Variants in CSPG5 observed in about 807,000 individuals in gnomAD.
The protein encoded by CSPG5 is acidic leucine-rich EGF-like domain-containing brain protein.
In CSPG5, 25 loss-of-function variants were observed where a neutral mutation model predicts 39.8. The observed-to-expected ratio is 0.63, with a 90% confidence interval of 0.46 to 0.88. The LOEUF (loss-of-function observed/expected upper bound fraction) is 0.88, where lower values mean the gene tolerates loss of function less well. Ranked by LOEUF, CSPG5 falls within the 40% of genes least tolerant of loss-of-function variation. The probability of loss-of-function intolerance (pLI) is 0.00; values close to 1 mark genes in which losing one functional copy is unlikely to be tolerated. For synonymous variants in CSPG5, 295 were observed against 303.9 expected, an observed-to-expected ratio of 0.97 and a Z score of 0.31; for missense variants, 627 against 702.2, an observed-to-expected ratio of 0.89 and a Z score of 1.21.
Position 47,577,353 on chromosome 3 carries a change from G to T in CSPG5, c.673C>A (p.Leu225Met). The T allele has an allele frequency of 1.2e-6, 2 of 1,614,120 alleles. No homozygotes were observed. The highest frequency in any genetic ancestry group is 1.7e-6 in the Non-Finnish European group (2 of 1,179,982). ...GLDGEGRGAD[L>M]GSFPGSPGTS... ...CCTGGTGACCCTGGGAAGCTCCCCA[G>T]ATCTGCGCCACGACCCTCACCATCC... Residue 225 changes from leucine (L) to methionine (M), a missense_variant, in exon 2 of 5, where the codon CTG (leucine) becomes ATG (methionine). Physicochemically the swap from Leu to Met is conservative, Grantham distance 15. Transcript: ENST00000264723. This position sits in a 1 kb window ranked among gnomAD's most constrained non-coding sequence, Gnocchi z 4.7.
chr3:47,566,933 C>G (rs1195324651), intron 4 of CSPG5, among the ~76,000 whole-genome samples: 2 of 152,198 alleles, frequency 1.3e-5, no homozygotes, highest in Non-Finnish European at 2.9e-5. Context: ...CTGACCACCC[C>G]CTGCTCTGCT....
At chr3:47,563,201 A>G (rs2031156206) in intron 4 of CSPG5, among the ~76,000 whole-genome samples, 1 of 152,170 alleles carries the variant, frequency 6.6e-6, no homozygotes, top group African/African-American at 2.4e-5. Context: ...CAGTGTATAC[A>G]GTGGGGTATG....
In CSPG5 at chr3:47,569,122, G is replaced by C. The variant is rs1055961393; in HGVS notation, c.1458+30C>G. ...CCAAGGCACGGGCATGGGGGGAGGA[G>C]GTACGGGGAGTGTTGCAAAGTTTCC... On this transcript the variant is annotated intron_variant, in intron 4 of 4. Coordinates refer to ENST00000264723, the MANE Select transcript of CSPG5 (RefSeq NM_006574.4). 4.4e-6 allele frequency: 7 copies of C among 1,597,456 alleles called. No homozygotes were observed. The East Asian group carries it at 1.4e-4, about 31-fold the overall frequency.
In CSPG5 at chr3:47,577,555, G is replaced by A. The variant is rs145083750; in HGVS notation, c.471C>T (p.Pro157=). Residue 157 remains proline, a synonymous_variant, in exon 2 of 5, where the codon CCC becomes CCT. Transcript: ENST00000264723. This position sits in a 1 kb window ranked among gnomAD's most constrained non-coding sequence, Gnocchi z 4.7. ...CAGAAGCTGGGCTCAGCTTGTCGCC[G>A]GGGGTGGGGGAGGGTGGCCCGCTGG... The part of the protein sequence containing the change: ...TEASGPPSPT[P]GDKLSPASEL... 31 of 1,610,018 alleles carry A rather than the reference G, an allele frequency of 1.9e-5. No homozygotes were observed. The highest frequency in any genetic ancestry group is 2.5e-5 in the Non-Finnish European group (30 of 1,178,814).
At chr3:47,568,170 A>G (rs2031384937) in intron 4 of CSPG5, among the ~76,000 whole-genome samples, 1 of 152,242 alleles carries the variant, frequency 6.6e-6, no homozygotes, top group African/African-American at 2.4e-5. Flanking sequence ...TTCAGTCTGA[A>G]GTCTCAGTTT....
chr3:47,569,185 G>C lies in CSPG5; in HGVS notation c.1425C>G (p.Ser475=), dbSNP rs998887243. The C allele has an allele frequency of 6.2e-7, 1 of 1,613,212 alleles. No individual in the cohort carries two copies. The highest frequency in any genetic ancestry group is 8.5e-7 in the Non-Finnish European group (1 of 1,179,556). Residue 475 remains serine, a synonymous_variant, in exon 4 of 5, where the codon TCC becomes TCG. Transcript: ENST00000264723. ...TPSELHNDNF[S]LSTIAEGSHP... is the part of the protein sequence containing the mutation. The stretch of plus-strand genomic sequence containing the variant: ...GAGAGCCCTCGGCAATGGTGGAGAG[G>C]GAGAAGTTATCATTGTGGAGCTCAG...
In CSPG5 at chr3:47,562,462, A is replaced by G; in HGVS notation, c.*138T>C. 1.1e-6 allele frequency: 1 copy of G among 897,032 alleles called. No individual in the cohort carries two copies. Among genetic ancestry groups the G allele is most frequent in the Non-Finnish European group, 1.7e-6 (1 of 594,346 alleles). The allele number at this position is 897,032 out of a possible 1,614,324, so 55.6% of individuals were successfully genotyped here. On this transcript the variant is annotated 3_prime_UTR_variant, in exon 5 of 5. Coordinates refer to ENST00000264723, the MANE Select transcript of CSPG5 (RefSeq NM_006574.4). The stretch of plus-strand genomic sequence containing the variant: ...TTTTTTTGCCTCCTGTACAAAATAC[A>G]TAAAAGCATGCCATGAGATCAGAAA...
Position 47,568,249 on chromosome 3 carries a change from T to C in CSPG5, c.1458+903A>G, listed in dbSNP as rs372896357. Among the ~76,000 whole-genome samples, 50 of 152,378 alleles carry C rather than the reference T, an allele frequency of 3.3e-4. 1 individual carries two copies. In the East Asian group the frequency reaches 5.8e-3, roughly 18 times the overall value. On this transcript the variant is annotated intron_variant, in intron 4 of 4. Transcript: ENST00000264723. Reference sequence around the variant, plus strand: ...CTTGAAGTATGGAACCTGCATTATATAGAGAATTCTAGGATTTGGATGTGG... The same window carrying C: ...CTTGAAGTATGGAACCTGCATTATACAGAGAATTCTAGGATTTGGATGTGG...
In CSPG5 at chr3:47,572,845, T is replaced by C; in HGVS notation, c.1223A>G (p.Lys408Arg). Residue 408 changes from lysine to arginine, a missense_variant, in exon 3 of 5, where the codon AAG becomes AGG. Transcript: ENST00000264723. This position sits in a 1 kb window ranked among gnomAD's most constrained non-coding sequence, Gnocchi z 4.5. ...GATGATGGACTCGCAGCGCATCCCC[T>C]TGTGCCAGATGTAGTCCTGCGTGTT... The part of the protein sequence containing the change: ...RCNTQDYIWH[K>R]GMRCESIITD... The C allele has an allele frequency of 6.2e-7, 1 of 1,613,578 alleles. No individual in the cohort carries two copies. The highest frequency in any genetic ancestry group is 8.5e-7 in the Non-Finnish European group (1 of 1,179,624).
intron 4 of CSPG5, among the ~76,000 whole-genome samples, chr3:47,568,077 T>A (rs1484961305): frequency 6.6e-6 from 1 of 152,132 alleles, no homozygotes; most frequent in Non-Finnish European, 1.5e-5. Flanking sequence ...TGGTCTAGAG[T>A]GCTGAGGCCC....
chr3:47,570,331 TG>T (rs1357002314), intron 3 of CSPG5, among the ~76,000 whole-genome samples: 3 of 151,906 alleles, frequency 2.0e-5, no homozygotes, highest in Non-Finnish European at 4.4e-5. Flanking sequence ...CTCGAACCCT[TG>T]GGCTCAGGTG....
At chr3:47,574,862 C>T (rs2031649915) in intron 2 of CSPG5, among the ~76,000 whole-genome samples, 1 of 151,940 alleles carries the variant, frequency 6.6e-6, no homozygotes, top group African/African-American at 2.4e-5. Context: ...TGGCATGAAC[C>T]TGGGAGGCGG....
intron 2 of CSPG5, among the ~76,000 whole-genome samples, chr3:47,575,977 G>T (rs2031708644): frequency 1.6e-5 from 2 of 124,284 alleles, no homozygotes; most frequent in South Asian, 4.9e-4. Context: ...CGCTCTTGCT[G>T]CCCAGGCTAG....
intron 2 of CSPG5, among the ~76,000 whole-genome samples, chr3:47,574,095 G>A (rs568228576): frequency 2.6e-5 from 4 of 152,298 alleles, no homozygotes; most frequent in South Asian, 4.1e-4. Context: ...AGGGAGGCCC[G>A]AATGTGATCC....
intron 4 of CSPG5, among the ~76,000 whole-genome samples, chr3:47,566,530 G>A (rs940245495): frequency 6.6e-6 from 1 of 152,146 alleles, no homozygotes; most frequent in African/African-American, 2.4e-5. Context: ...TAGAGATGAA[G>A]GTAGAAAATC....
At chr3:47,576,057 C>T (rs2031715175) in intron 2 of CSPG5, among the ~76,000 whole-genome samples, 1 of 151,614 alleles carries the variant, frequency 6.6e-6, no homozygotes, top group South Asian at 2.1e-4. Flanking sequence ...GCCTCAGCCT[C>T]CCGAGTAGCT....
At chr3:47,579,682 G>A (rs2031920686), upstream of CSPG5, 2 of 152,236 alleles carry the variant, frequency 1.3e-5, no homozygotes, top group South Asian at 2.1e-4. This position sits in a 1 kb window ranked among gnomAD's most constrained non-coding sequence, Gnocchi z 4.2. Flanking sequence ...AGGTTCCTGG[G>A]TAGACCAGGG....
At chr3:47,574,767 G>A (rs1477797668) in intron 2 of CSPG5, among the ~76,000 whole-genome samples, 4 of 152,126 alleles carry the variant, frequency 2.6e-5, no homozygotes, top group East Asian at 1.9e-4. Context: ...GTGAAATCCC[G>A]TCTTTACTAA....
chr3:47,579,524 C>G (rs1243409742), upstream of CSPG5: 2 of 152,630 alleles, frequency 1.3e-5, no homozygotes, highest in African/African-American at 4.8e-5. The surrounding 1 kb of genome is among the most constrained non-coding windows in gnomAD (Gnocchi z 4.2). Flanking sequence ...CGCCATAACG[C>G]ATCCCGGGAG....
Sources: gnomAD v4.1 joint callset for allele counts (sites outside exome capture counted in the v4.1 genomes callset) on GRCh38, gnomAD v4.1.1 for gene constraint, Gnocchi (gnomAD v3.1) non-coding constraint, MANE v1.5 for transcripts, NCBI Gene and HGNC (gene_info 2026-07-23, HGNC 2026-07-21) for gene names.